Variants in ATXN7 observed in about 807,000 individuals in gnomAD.
The protein encoded by ATXN7 is ataxin-7.
In ATXN7, 12 loss-of-function variants were observed where a neutral mutation model predicts 70.5. The observed-to-expected ratio is 0.17, with a 90% confidence interval of 0.11 to 0.28. The LOEUF is 0.28. Among genes scored for constraint, ATXN7 ranks in the 10% least tolerant of loss-of-function variants. The pLI is 1.00. For missense variants in ATXN7, 1,256 were observed against 1,131.7 expected, an observed-to-expected ratio of 1.11 and a Z score of -1.58; for synonymous variants, 498 against 448.7, an observed-to-expected ratio of 1.11 and a Z score of -1.39.
chr3:63,982,123 A>G, intron 6 of ATXN7, 63 bp from the exon 7 acceptor site: 1 of 1,606,012 alleles, frequency 6.2e-7, no homozygotes, highest in Non-Finnish European at 8.5e-7. Flanking sequence ...CCTCTGGCTC[A>G]CCATTCACCT....
intron 2 of ATXN7, among the ~76,000 whole-genome samples, 194 bp from the exon 3 acceptor site, chr3:63,912,394 C>A (rs1041655244): frequency 2.0e-5 from 3 of 151,470 alleles, no homozygotes; most frequent in African/African-American, 7.3e-5. Context: ...GAAAGCTAGC[C>A]CGCGCCGCGG....
At chr3:63,983,076 G>A in intron 8 of ATXN7, 55 bp downstream of exon 8, 1 of 1,355,314 alleles carries the variant, frequency 7.4e-7, no homozygotes, top group Non-Finnish European at 1.1e-6. Flanking sequence ...GGGTGACTGG[G>A]ATGTACCACA....
chr3:63,992,794 C>T (rs2106794221), intron 11 of ATXN7, among the ~76,000 whole-genome samples: 1 of 152,266 alleles, frequency 6.6e-6, no homozygotes, highest in Non-Finnish European at 1.5e-5. Flanking sequence ...ACGTGTTGCT[C>T]AGTAATGAGC....
intron 2 of ATXN7, chr3:63,905,656 T>C (rs576131331): frequency 4.6e-5 from 7 of 152,316 alleles, no homozygotes; most frequent in Admixed American, 1.3e-4. Flanking sequence ...TCTGAAGAGA[T>C]GGAGCAAGCT....
intron 2 of ATXN7, chr3:63,904,285 ATT>A (rs1203835216): frequency 1.5e-4 from 22 of 142,276 alleles, no homozygotes; most frequent in South Asian, 4.5e-4. Flanking sequence ...TGGCTGAATA[ATT>A]TTTTTTTTTT....
At chr3:63,971,021 A>G (rs1238030900) in intron 5 of ATXN7, among the ~76,000 whole-genome samples, 1 of 152,180 alleles carries the variant, frequency 6.6e-6, no homozygotes, top group Non-Finnish European at 1.5e-5. Context: ...TTAGGTTTTA[A>G]TTTAAAAGCA....
At chr3:63,959,760 T>C (rs2075095791) in intron 5 of ATXN7, among the ~76,000 whole-genome samples, 1 of 152,220 alleles carries the variant, frequency 6.6e-6, no homozygotes, top group African/African-American at 2.4e-5. Context: ...AATTTCTAGA[T>C]ATAAAATGTA....
chr3:63,917,139 C>T (rs1360185066), intron 4 of ATXN7, among the ~76,000 whole-genome samples: 1 of 152,020 alleles, frequency 6.6e-6, no homozygotes, highest in Non-Finnish European at 1.5e-5. Flanking sequence ...AGCCTGGTCT[C>T]GAACTCCTGA....
chr3:63,912,963 G>T, intron 3 of ATXN7, 40 bp downstream of exon 3: 1 of 1,353,880 alleles, frequency 7.4e-7, no homozygotes, highest in South Asian at 1.8e-5. Flanking sequence ...ACCCCCTCGC[G>T]ACCCCCTCCT....
At chr3:63,876,792 A>G (rs17069459) in intron 1 of ATXN7, among the ~76,000 whole-genome samples, 4,752 of 152,128 alleles carry the variant, frequency 0.031, 162 homozygotes, top group African/African-American at 0.083. Flanking sequence ...GAAAGTTTTT[A>G]TTTGCTAGCA....
At chr3:63,913,078 C>T in intron 3 of ATXN7, 79 bp from the exon 4 acceptor site, 3 of 1,522,916 alleles carry the variant, frequency 2.0e-6, no homozygotes, top group Non-Finnish European at 1.8e-6. Flanking sequence ...CACACCTACC[C>T]CGTGCGTGCG....
At chr3:63,921,944 G>C (rs998386569) in intron 4 of ATXN7, among the ~76,000 whole-genome samples, 1 of 152,188 alleles carries the variant, frequency 6.6e-6, no homozygotes, top group African/African-American at 2.4e-5. Flanking sequence ...TGCCAGTTTT[G>C]CTTTAGCACA....
At chr3:63,878,503 T>C (rs1043139091) in intron 1 of ATXN7, 1 of 152,268 alleles carries the variant, frequency 6.6e-6, no homozygotes, top group Non-Finnish European at 1.5e-5. Flanking sequence ...GAATAACCAT[T>C]GTGATAACTG....
intron 4 of ATXN7, among the ~76,000 whole-genome samples, chr3:63,917,878 C>G (rs1189712442): frequency 2.0e-5 from 3 of 152,190 alleles, no homozygotes; most frequent in Non-Finnish European, 4.4e-5. Context: ...AGACAGTATT[C>G]TGTGTGTTTG....
chr3:63,985,006 C>T (rs1174817990), intron 8 of ATXN7, among the ~76,000 whole-genome samples: 1 of 152,172 alleles, frequency 6.6e-6, no homozygotes, highest in African/African-American at 2.4e-5. Flanking sequence ...TATGTATATA[C>T]TATGTTGTCT....
intron 2 of ATXN7, among the ~76,000 whole-genome samples, chr3:63,903,128 C>T (rs1703707318): frequency 5.9e-5 from 9 of 152,046 alleles, no homozygotes; most frequent in Admixed American, 5.9e-4. Context: ...GGCACGGTGG[C>T]TCACGCCTGT....
intron 5 of ATXN7, among the ~76,000 whole-genome samples, chr3:63,963,203 A>G (rs2075161277): frequency 6.6e-6 from 1 of 152,128 alleles, no homozygotes; most frequent in South Asian, 2.1e-4. Context: ...GGTGTGAACC[A>G]CCACACTCGG....
intron 4 of ATXN7, among the ~76,000 whole-genome samples, chr3:63,922,594 TAA>T (rs1158280362): frequency 1.3e-5 from 2 of 152,158 alleles, no homozygotes; most frequent in African/African-American, 2.4e-5. Context: ...GGCAATGTAA[TAA>T]AGTCATCATG....
intron 1 of ATXN7, among the ~76,000 whole-genome samples, chr3:63,885,704 G>A (rs1294657958): frequency 1.3e-5 from 2 of 152,098 alleles, no homozygotes; most frequent in Non-Finnish European, 2.9e-5. Context: ...ATCCATCAAT[G>A]GATGAATGGA....
Sources: allele counts gnomAD v4.1 joint callset (sites outside exome capture counted in the v4.1 genomes callset), GRCh38; gene constraint gnomAD v4.1.1; transcripts MANE v1.5; gene names NCBI Gene and HGNC (gene_info 2026-07-23, HGNC 2026-07-21).